The following WNK3 variants were observed in gnomAD, a reference collection of about 807,000 sequenced individuals.
WNK3 encodes WNK lysine deficient protein kinase 3.
In WNK3, 18 loss-of-function variants were observed where a neutral mutation model predicts 116.7. The ratio of observed to expected loss-of-function variants is 0.15; its 90% CI spans 0.11 to 0.23. The LOEUF (loss-of-function observed/expected upper bound fraction) is 0.23. Among genes scored for constraint, WNK3 ranks in the 10% least tolerant of loss-of-function variants. The pLI, the probability that WNK3 is intolerant of heterozygous loss-of-function variation, is 1.00. For missense variants in WNK3, 993 were observed against 1,323.8 expected (o/e 0.75, Z 3.88); for synonymous variants, 404 against 469.4 (o/e 0.86, Z 1.80).
chrX:54,207,792 G>A (rs909327815), intron 22 of WNK3, among the ~76,000 whole-genome samples: 1 of 110,760 alleles, frequency 9.0e-6, no homozygotes, highest in African/African-American at 3.3e-5. Context: ...GGGATTACAG[G>A]CGTGAGCCAC....
chrX:54,345,335 T>A (rs1200108847), intron 1 of WNK3, among the ~76,000 whole-genome samples: 5 of 110,815 alleles, frequency 4.5e-5, no homozygotes, highest in Non-Finnish European at 9.4e-5. Flanking sequence ...TGTATTTGAG[T>A]GGATTCTTCA....
intron 10 of WNK3, among the ~76,000 whole-genome samples, chrX:54,275,914 T>C (rs2068441261): frequency 9.0e-6 from 1 of 110,508 alleles, no homozygotes; most frequent in South Asian, 3.8e-4. Context: ...TAAAGTTGAC[T>C]TCACAGGAAA....
At chrX:54,329,573 A>G (rs2069143475) in intron 2 of WNK3, among the ~76,000 whole-genome samples, 1 of 109,639 alleles carries the variant, frequency 9.1e-6, no homozygotes, top group African/African-American at 3.3e-5. Flanking sequence ...AGGAGGCTGG[A>G]ACCCAGGAGG....
intron 22 of WNK3, among the ~76,000 whole-genome samples, chrX:54,222,894 TATA>T (rs1177160777): frequency 3.0e-4 from 25 of 83,654 alleles, no homozygotes; most frequent in Admixed American, 1.2e-3. Flanking sequence ...AAAAGTATAG[TATA>T]ATAATAATAA....
intron 2 of WNK3, among the ~76,000 whole-genome samples, chrX:54,321,109 C>A (rs2069027803): frequency 2.7e-5 from 3 of 110,450 alleles, no homozygotes. Flanking sequence ...GTTGGCCAGG[C>A]TGATCTCGAA....
chrX:54,272,380 C>T (rs1438962963), intron 10 of WNK3, among the ~76,000 whole-genome samples: 5 of 109,062 alleles, frequency 4.6e-5, no homozygotes, highest in African/African-American at 1.7e-4. Context: ...CCCAGGAGTT[C>T]GAGGCTGCAA....
intron 22 of WNK3, among the ~76,000 whole-genome samples, chrX:54,216,894 G>C (rs1462798207): frequency 3.6e-5 from 4 of 112,322 alleles, no homozygotes; most frequent in African/African-American, 9.7e-5. Context: ...CCAACAGGGA[G>C]GCCAGGTGTA....
At chrX:54,340,923 A>G (rs1233986278) in intron 1 of WNK3, among the ~76,000 whole-genome samples, 1 of 112,038 alleles carries the variant, frequency 8.9e-6, no homozygotes, top group African/African-American at 3.2e-5. Flanking sequence ...GCAGTTCCTC[A>G]GTAAGTTAAA....
At chrX:54,274,877 A>G (rs782646101) in intron 10 of WNK3, among the ~76,000 whole-genome samples, 12 of 109,371 alleles carry the variant, frequency 1.1e-4, no homozygotes, top group Non-Finnish European at 1.5e-4. Flanking sequence ...TGGGCATGGT[A>G]GTACATGCCT....
intron 5 of WNK3, among the ~76,000 whole-genome samples, chrX:54,307,096 G>A (rs1557168825): frequency 9.2e-6 from 1 of 108,403 alleles, no homozygotes; most frequent in Non-Finnish European, 1.9e-5. Context: ...GCGTGGTGGT[G>A]CACACCTGTA....
exon 6 of WNK3, chrX:54,301,820 C>G (rs2068761241): frequency 8.3e-7 from 1 of 1,208,768 alleles, no homozygotes; most frequent in Non-Finnish European, 1.1e-6. Context: ...TCTTTGACTT[C>G]AGGATCAGTG....
Position 54,292,913 on chromosome X carries a change from G to A in WNK3, c.2012C>T (p.Thr671Ile), listed in dbSNP as rs996420520. ...CTTTATCTGTGGGACCTTCTGAACA[G>A]TTAATGGGGAAACCTGGGGTTGTGA... Residue 671 changes from threonine to isoleucine, a missense_variant, in exon 10 of 24, where the codon ACT (threonine) becomes ATT (isoleucine). Thr to Ile is a moderately conservative substitution (Grantham distance 89, BLOSUM62 -1). Coordinates refer to ENST00000354646, the Ensembl canonical transcript of WNK3. 4.6e-5 allele frequency: 56 copies of A among 1,208,444 alleles called. No homozygotes were observed. The highest frequency in any genetic ancestry group is 6.1e-5 in the Non-Finnish European group (55 of 894,817).
At chrX:54,277,793 A>G (rs143415742) in intron 10 of WNK3, among the ~76,000 whole-genome samples, 1,676 of 111,858 alleles carry the variant, frequency 0.015, 31 homozygotes, top group African/African-American at 0.052. Flanking sequence ...GAAAACTGAC[A>G]TTAAAAACTA....
At chrX:54,221,778 G>A (rs2067764591) in intron 22 of WNK3, among the ~76,000 whole-genome samples, 1 of 110,672 alleles carries the variant, frequency 9.0e-6, no homozygotes, top group Non-Finnish European at 1.9e-5. Flanking sequence ...AAGTTGCAGT[G>A]AGCTGAGATC....
rs2068165645 is a variant in WNK3, at chrX:54,254,149, C to T, written c.2251-74G>A. 17 of 600,097 alleles carry T rather than the reference C, an allele frequency of 2.8e-5. No individual in the cohort carries two copies. The South Asian group carries it at 5.8e-4, about 20-fold the overall frequency. 49.5% of individuals were successfully genotyped at this position (600,097 alleles called of 1,213,427 possible). On this transcript the variant is annotated intron_variant, in intron 12 of 23. Transcript: ENST00000354646. ...TTGCAAATTGTGCAAGGAACATCTA[C>T]ACTAGTTCACGTACAATATATGTGG... is the stretch of plus-strand genomic sequence containing the variant.
chrX:54,259,341 G>T lies in WNK3; in HGVS notation c.2038-3C>A. ...GCTCCAACTGGTTGGGATACAGGCT[G>T]TAAACAGTACAGACATAAAACTTGC... On this transcript the variant is annotated splice_polypyrimidine_tract_variant and splice_region_variant and intron_variant, in intron 10 of 23. Transcript: ENST00000354646. 1 of 1,169,276 alleles carries T rather than the reference G, an allele frequency of 8.6e-7. No individual in the cohort carries two copies. Among genetic ancestry groups the T allele is most frequent in the Non-Finnish European group, 1.2e-6 (1 of 865,681 alleles).
chrX:54,302,328 C>T (rs1222869901), intron 5 of WNK3, among the ~76,000 whole-genome samples: 1 of 111,384 alleles, frequency 9.0e-6, no homozygotes, highest in African/African-American at 3.3e-5. Flanking sequence ...GATGGAGTCT[C>T]GCTCTGTCGC....
chrX:54,341,063 C>T (rs1001047800), intron 1 of WNK3, among the ~76,000 whole-genome samples: 5 of 112,093 alleles, frequency 4.5e-5, no homozygotes, highest in Non-Finnish European at 9.4e-5. Flanking sequence ...TGTCTATCAA[C>T]TGATGAATGG....
intron 10 of WNK3, 48 bp downstream of exon 10, chrX:54,292,840 G>A (rs782037405): frequency 8.8e-7 from 1 of 1,139,960 alleles, no homozygotes; most frequent in Non-Finnish European, 1.2e-6. Context: ...AATCTAGGCA[G>A]TGTTTAATTT....
Sources: allele counts gnomAD v4.1 joint callset (sites outside exome capture counted in the v4.1 genomes callset), GRCh38; gene constraint gnomAD v4.1.1; transcripts MANE v1.5; gene names NCBI Gene and HGNC (gene_info 2026-07-23, HGNC 2026-07-21).